Variants in USP24 observed in about 807,000 individuals in gnomAD.
USP24 encodes the protein ubiquitin carboxyl-terminal hydrolase 24.
In USP24, 97 loss-of-function variants were observed where a neutral mutation model predicts 361.6. The observed-to-expected ratio is 0.27, with a 90% confidence interval of 0.23 to 0.32. The LOEUF (loss-of-function observed/expected upper bound fraction) is 0.32. Ranked by LOEUF, USP24 falls within the 10% of genes least tolerant of loss-of-function variation. The pLI is 1.00. For synonymous variants in USP24, 1,098 were observed against 1,124.6 expected (o/e 0.98, Z 0.47); for missense variants, 2,353 against 3,165.6 (o/e 0.74, Z 6.16).
intron 38 of USP24, among the ~76,000 whole-genome samples, chr1:55,115,811 T>A (rs1380769300): frequency 6.6e-6 from 1 of 152,162 alleles, no homozygotes; most frequent in Non-Finnish European, 1.5e-5. Context: ...ATGTAGCACA[T>A]ATACACCATG....
In USP24 at chr1:55,068,846, T is replaced by C; in HGVS notation, c.*199A>G. Reference sequence around the variant, plus strand: ...GGGACAGCTGATCCACATGCCGGAGTTCTCCCACTGCCAAACAGCTCCCAA... The same window carrying C: ...GGGACAGCTGATCCACATGCCGGAGCTCTCCCACTGCCAAACAGCTCCCAA... On this transcript the variant is annotated 3_prime_UTR_variant, in exon 68 of 68. Transcript: ENST00000294383. The C allele has an allele frequency of 1.7e-6, 1 of 576,302 alleles. No homozygotes were observed. Among genetic ancestry groups the C allele is most frequent in the African/African-American group, 1.9e-5 (1 of 53,192 alleles). 35.7% of individuals were successfully genotyped at this position (576,302 alleles called of 1,614,324 possible). A position where few individuals can be genotyped will look rare whatever the true frequency, so the allele number is the denominator to read the frequency against.
intron 26 of USP24, 148 bp downstream of exon 26, chr1:55,138,459 AC>A: frequency 1.8e-6 from 1 of 558,928 alleles, no homozygotes; most frequent in Admixed American, 3.2e-5. Flanking sequence ...ATCTGCTTGT[AC>A]CCCACAGTTT....
At chr1:55,096,384 A>G (rs1481274114) in intron 50 of USP24, 114 bp downstream of exon 50, 2 of 869,512 alleles carry the variant, frequency 2.3e-6, no homozygotes, top group South Asian at 3.4e-5. Flanking sequence ...CTAGAACAGT[A>G]GTACAATAAA....
In USP24 at chr1:55,076,290, T is replaced by C. The variant is rs1645030141; in HGVS notation, c.7381-767A>G. Among the ~76,000 whole-genome samples, 2 of 152,358 alleles carry C rather than the reference T, an allele frequency of 1.3e-5. 1 individual carries two copies. The highest frequency in any genetic ancestry group is 4.1e-4 in the South Asian group (2 of 4,832). ...AAAAACTATATGGGTTTGTTGTTGA[T>C]AGATGAACAATACACAGTCCTATCC... On this transcript the variant is annotated intron_variant, in intron 62 of 67. Transcript: ENST00000294383.
intron 1 of USP24, among the ~76,000 whole-genome samples, chr1:55,186,316 A>G (rs1028664220): frequency 5.9e-5 from 9 of 152,246 alleles, no homozygotes; most frequent in East Asian, 1.9e-4. Context: ...ACTTTTGTAC[A>G]CTGCTGATAA....
intron 38 of USP24, among the ~76,000 whole-genome samples, chr1:55,116,601 C>T (rs917824714): frequency 9.3e-5 from 14 of 150,736 alleles, no homozygotes; most frequent in East Asian, 5.8e-4. Flanking sequence ...AAACCTACCA[C>T]GATTGAATCA....
Position 55,139,014 on chromosome 1 carries a change from T to C in USP24, c.2751-4A>G, listed in dbSNP as rs747735701. On this transcript the variant is annotated splice_region_variant and splice_polypyrimidine_tract_variant and intron_variant, in intron 24 of 67. Transcript: ENST00000294383. Reference sequence around the variant, plus strand: ...AATTATTACAAGTTTAGTAGATCTATAGATTAAAAAAAAAAAGTATTAAAA... The same window carrying C: ...AATTATTACAAGTTTAGTAGATCTACAGATTAAAAAAAAAAAGTATTAAAA... The C allele has an allele frequency of 3.1e-6, 5 of 1,599,166 alleles. No homozygotes were observed. Among genetic ancestry groups the C allele is most frequent in the Admixed American group, 3.4e-5 (2 of 58,788 alleles).
In USP24 at chr1:55,215,073, C is replaced by A; in HGVS notation, c.41G>T (p.Cys14Phe). The change falls in exon 1 of 68, where the codon TGC becomes TTC. Residue 14 changes from cysteine (C) to phenylalanine (F), a missense_variant. This residue lies in a region of USP24 where 253 missense variants were observed against 255.3 expected (regional missense o/e 0.99). Coordinates refer to ENST00000294383, the MANE Select transcript of USP24 (RefSeq NM_015306.3). ...EEEQHMTTLLCMGFSDPATIR... is the reference protein window; with the variant it reads ...EEEQHMTTLLFMGFSDPATIR... ...GGTGGCGGGGTCTGAGAAGCCCATG[C>A]ACAGCAGCGTGGTCATGTGCTGCTC... The A allele has an allele frequency of 7.0e-7, 1 of 1,425,162 alleles. No individual in the cohort carries two copies. The highest frequency in any genetic ancestry group is 9.2e-7 in the Non-Finnish European group (1 of 1,083,910). 88.3% of individuals were successfully genotyped at this position (1,425,162 alleles called of 1,614,324 possible).
At chr1:55,088,922 T>G (rs1321850396) in intron 55 of USP24, among the ~76,000 whole-genome samples, 1 of 150,128 alleles carries the variant, frequency 6.7e-6, no homozygotes, top group East Asian at 1.9e-4. Context: ...TACCAGGAGT[T>G]TTTTTTTTTT....
intron 16 of USP24, among the ~76,000 whole-genome samples, chr1:55,152,554 T>TG (rs899768847): frequency 2.6e-5 from 4 of 152,182 alleles, no homozygotes; most frequent in African/African-American, 9.6e-5. Flanking sequence ...CTCTTACTAT[T>TG]GAAGGTTCTA....
rs1344509696 is a variant in USP24 at position 55,074,432 on chromosome 1, G to C, written c.7448-526C>G. Among the ~76,000 whole-genome samples, 3 of 152,034 alleles carry C rather than the reference G, an allele frequency of 2.0e-5. No homozygotes were observed. In the East Asian group the frequency reaches 5.8e-4, roughly 29 times the overall value. On this transcript the variant is annotated intron_variant, in intron 63 of 67. Coordinates refer to ENST00000294383, the MANE Select transcript of USP24 (RefSeq NM_015306.3). ...GTGGATCACTTGAGGTCAGGAGTTT[G>C]AGACCAGCCTGAGCAACATGATGAA...
intron 1 of USP24, among the ~76,000 whole-genome samples, chr1:55,201,413 C>T (rs1486340736): frequency 1.3e-5 from 2 of 150,940 alleles, no homozygotes; most frequent in Non-Finnish European, 3.0e-5. Flanking sequence ...CCAGCCTGGC[C>T]AAGATGGTGA....
At chr1:55,172,088 A>G (rs763303229) in intron 4 of USP24, among the ~76,000 whole-genome samples, 6 of 152,184 alleles carry the variant, frequency 3.9e-5, no homozygotes, top group Non-Finnish European at 7.3e-5. Context: ...CTCCATCTAC[A>G]TGAACACTCC....
intron 1 of USP24, among the ~76,000 whole-genome samples, chr1:55,201,052 C>T (rs1266888151): frequency 6.6e-6 from 1 of 152,136 alleles, no homozygotes; most frequent in African/African-American, 2.4e-5. Flanking sequence ...AACTGTAATA[C>T]AAGGTAAACA....
intron 28 of USP24, among the ~76,000 whole-genome samples, chr1:55,136,545 AAT>A (rs570075563): frequency 2.1e-4 from 32 of 152,300 alleles, no homozygotes; most frequent in Admixed American, 8.5e-4. Context: ...GCACTACTAA[AAT>A]ATGCCAGGTG....
At chr1:55,079,801 CACACACTGAGTACTCGCAGAGTACTT>C in intron 59 of USP24, 142 bp from the exon 60 acceptor site, 1 of 1,146,350 alleles carries the variant, frequency 8.7e-7, no homozygotes, top group Non-Finnish European at 1.2e-6. Context: ...ACTGAGTACT[CACACACTGAGTACTCGCAGAGTACTT>C]GCACACACAG....
intron 1 of USP24, among the ~76,000 whole-genome samples, chr1:55,184,149 C>T (rs1165905304): frequency 6.6e-6 from 1 of 152,094 alleles, no homozygotes; most frequent in Non-Finnish European, 1.5e-5. Flanking sequence ...CTCTGTGTCC[C>T]AGGCTCAAAT....
At chr1:55,181,315 G>A (rs1365457580) in intron 1 of USP24, among the ~76,000 whole-genome samples, 2 of 152,082 alleles carry the variant, frequency 1.3e-5, no homozygotes, top group African/African-American at 4.8e-5. Context: ...ATTAAGCATA[G>A]AAGACAATGT....
chr1:55,096,451 C>T (rs1645498126), intron 50 of USP24, 47 bp downstream of exon 50: 3 of 1,398,880 alleles, frequency 2.1e-6, no homozygotes, highest in African/African-American at 1.5e-5. Flanking sequence ...TTATAGAAAA[C>T]GATAAATAAA....
Sources: allele counts gnomAD v4.1 joint callset (sites outside exome capture counted in the v4.1 genomes callset), GRCh38; gene constraint gnomAD v4.1.1; regional missense constraint gnomAD v4.1.1; transcripts MANE v1.5; gene names NCBI Gene and HGNC (gene_info 2026-07-23, HGNC 2026-07-21).